The following KANK4 variants were observed in gnomAD, a reference collection of about 807,000 sequenced individuals.
The protein encoded by KANK4 is KN motif and ankyrin repeat domain-containing protein 4.
KANK4 carries 50 observed loss-of-function variants against 80.8 expected under a neutral mutation model. The observed-to-expected ratio is 0.62, with a 90% CI of 0.49 to 0.78. KANK4 has a LOEUF of 0.78. Among genes scored for constraint, KANK4 ranks in the 30% least tolerant of loss-of-function variants. KANK4 has a pLI of 0.00. For synonymous variants in KANK4, 465 were observed against 506.9 expected (o/e 0.92, Z 1.11); for missense variants, 1,196 against 1,240.1 (o/e 0.96, Z 0.53).
chr1:62,310,871 C>G (rs955376211), intron 1 of KANK4, among the ~76,000 whole-genome samples: 1 of 152,088 alleles, frequency 6.6e-6, no homozygotes, highest in Non-Finnish European at 1.5e-5. Context: ...GCACCATTAT[C>G]TCCATTTCAC....
intron 1 of KANK4, among the ~76,000 whole-genome samples, chr1:62,314,339 C>T (rs1407225701): frequency 6.6e-6 from 1 of 152,124 alleles, no homozygotes; most frequent in Non-Finnish European, 1.5e-5. Flanking sequence ...AACCTTTCCC[C>T]AGGAGTAGGA....
At chr1:62,296,241 G>A (rs1017235392) in intron 1 of KANK4, among the ~76,000 whole-genome samples, 1 of 152,144 alleles carries the variant, frequency 6.6e-6, no homozygotes, top group Admixed American at 6.5e-5. Context: ...CCAGCAGAGT[G>A]ACTGCCCCAG....
chr1:62,267,857 C>G (rs1672061792), intron 5 of KANK4, among the ~76,000 whole-genome samples: 1 of 151,316 alleles, frequency 6.6e-6, no homozygotes, highest in African/African-American at 2.4e-5. Flanking sequence ...ACAGGACAGG[C>G]AGAAAAGCTT....
intron 7 of KANK4, among the ~76,000 whole-genome samples, chr1:62,261,148 A>G (rs1671874791): frequency 7.4e-6 from 1 of 134,728 alleles, no homozygotes; most frequent in Non-Finnish European, 1.6e-5. Context: ...TACCCTCCCA[A>G]TGGCTTTTTT....
At position 62,274,753 on chromosome 1, in the gene KANK4, C is replaced by T. The variant is rs553627961; in HGVS notation, c.351G>A (p.Gln117=). 1.2e-6 allele frequency: 2 copies of T among 1,614,116 alleles called. No individual in the cohort carries two copies. Among genetic ancestry groups the T allele is most frequent in the East Asian group, 2.2e-5 (1 of 44,864 alleles). The part of the protein sequence containing the change: ...NQSPPLGNAP[Q]ASTSRSEVSY... ...TCACCTCACTCCTGCTTGTTGAGGC[C>T]TGGGGGGCATTACCAAGCGGTGGTG... The change falls in exon 3 of 10, where the codon CAG becomes CAA. Residue 117 remains glutamine (Q), a synonymous_variant. Transcript: ENST00000371153.
chr1:62,301,043 G>A (rs1201379832), intron 1 of KANK4, among the ~76,000 whole-genome samples: 2 of 151,972 alleles, frequency 1.3e-5, no homozygotes, highest in Admixed American at 1.3e-4. Context: ...CATGAGTGTT[G>A]GCTTTGTCTT....
Position 62,238,171 on chromosome 1 carries a change from T to C in KANK4, c.*106A>G. 1 of 686,836 alleles carries C rather than the reference T, an allele frequency of 1.5e-6. No individual in the cohort carries two copies. Among genetic ancestry groups the C allele is most frequent in the Non-Finnish European group, 2.5e-6 (1 of 394,922 alleles). 42.5% of individuals were successfully genotyped at this position (686,836 alleles called of 1,614,324 possible). A position where few individuals can be genotyped will look rare whatever the true frequency, so the allele number is the denominator to read the frequency against. On this transcript the variant is annotated 3_prime_UTR_variant, in exon 10 of 10. Transcript: ENST00000371153. ...TGTGCATATTTGACATAGTTTCTTCTCTAGAAGGGTGGCTCTCTGGCCTGT... is the reference window on the plus strand; with the variant it reads ...TGTGCATATTTGACATAGTTTCTTCCCTAGAAGGGTGGCTCTCTGGCCTGT...
intron 5 of KANK4, among the ~76,000 whole-genome samples, chr1:62,267,594 G>A (rs1672053569): frequency 6.6e-6 from 1 of 152,146 alleles, no homozygotes; most frequent in South Asian, 2.1e-4. Context: ...AAGGTCAGGT[G>A]TTCAAGATCA....
At chr1:62,248,450 C>T (rs1671524157) in intron 8 of KANK4, among the ~76,000 whole-genome samples, 1 of 152,036 alleles carries the variant, frequency 6.6e-6, no homozygotes, top group Non-Finnish European at 1.5e-5. Flanking sequence ...CTCACTGCAG[C>T]ATCAGTCTTC....
At chr1:62,263,507 C>T (rs1450639392) in intron 6 of KANK4, 196 bp from the exon 7 acceptor site, 1 of 576,980 alleles carries the variant, frequency 1.7e-6, no homozygotes, top group East Asian at 3.1e-5. Context: ...TCAGCCCCCT[C>T]TGGGAGTGGA....
intron 2 of KANK4, among the ~76,000 whole-genome samples, chr1:62,279,198 G>GCGCA (rs1282615199): frequency 4.9e-4 from 72 of 146,280 alleles, no homozygotes; most frequent in East Asian, 2.1e-3. Context: ...GCTAGCGCGC[G>GCGCA]CACACACACA....
At chr1:62,285,610 T>C (rs1672546233) in intron 1 of KANK4, among the ~76,000 whole-genome samples, 4 of 152,148 alleles carry the variant, frequency 2.6e-5, no homozygotes, top group Admixed American at 2.6e-4. Flanking sequence ...CCAAAATAAA[T>C]AGCACCTTGG....
Position 62,238,390 on chromosome 1 carries a change from G to T in KANK4, c.2884-9C>A, listed in dbSNP as rs1329826154. On this transcript the variant is annotated splice_polypyrimidine_tract_variant and intron_variant, in intron 9 of 9. Transcript: ENST00000371153. ...AAAGCTGTGCGGCCAGCCTACAGGA[G>T]AAAAAGGAAAGAAGAAATAAATATC... 6.2e-7 allele frequency: 1 copy of T among 1,611,578 alleles called. No homozygotes were observed. Among genetic ancestry groups the T allele is most frequent in the African/African-American group, 1.3e-5 (1 of 74,968 alleles).
intron 1 of KANK4, among the ~76,000 whole-genome samples, chr1:62,312,699 A>T (rs982998908): frequency 1.3e-5 from 2 of 152,242 alleles, no homozygotes; most frequent in East Asian, 3.8e-4. Flanking sequence ...CTGCCAAGAC[A>T]GAGACTGGAG....
intron 8 of KANK4, among the ~76,000 whole-genome samples, chr1:62,249,035 A>G (rs2149120184): frequency 6.7e-6 from 1 of 148,990 alleles, no homozygotes; most frequent in African/African-American, 2.4e-5. Flanking sequence ...TTAGCTAGGT[A>G]TGGTGGCGGG....
Position 62,274,564 on chromosome 1 carries a change from C to T in KANK4, c.540G>A (p.Leu180=), listed in dbSNP as rs771606061. 2 of 1,614,036 alleles carry T rather than the reference C, an allele frequency of 1.2e-6. No homozygotes were observed. The highest frequency in any genetic ancestry group is 1.7e-6 in the Non-Finnish European group (2 of 1,179,914). The change falls in exon 3 of 10, where the codon CTG becomes CTA. Residue 180 remains leucine, a synonymous_variant. Transcript: ENST00000371153. The stretch of plus-strand genomic sequence containing the variant: ...CAGGAGGGGCAGGGGGCCCCAGGCT[C>T]AGGCCTGGCTCCTCAGAAGCCCTGC... ...LHSRASEEPG[L]SLGPPAPPAL...
Position 62,273,231 on chromosome 1 carries a change from G to C in KANK4, c.1873C>G (p.Pro625Ala). 6 of 1,518,190 alleles carry C rather than the reference G, an allele frequency of 4.0e-6. No individual in the cohort carries two copies. The highest frequency in any genetic ancestry group is 5.3e-6 in the Non-Finnish European group (6 of 1,133,196). 94.0% of individuals were successfully genotyped at this position (1,518,190 alleles called of 1,614,324 possible). Residue 625 changes from proline (P) to alanine (A), a missense_variant, in exon 3 of 10, where the codon CCG becomes GCG. This residue lies in a region of KANK4 where 1,154 missense variants were observed against 1,179.6 expected (regional missense o/e 0.98). Transcript: ENST00000371153. ...SAQAHPPKEP[P>A]ASSSSPPVEI... The stretch of plus-strand genomic sequence containing the variant: ...ACTGGCGGGGAGGAGGAGGAGGCCG[G>C]TGGCTCCTTGGGTGGGTGAGCCTGG...
rs764065154 is a variant in KANK4, at chr1:62,247,641, C to T, written c.2714G>A (p.Ser905Asn). The T allele has an allele frequency of 6.2e-7, 1 of 1,613,982 alleles. No individual in the cohort carries two copies. Among genetic ancestry groups the T allele is most frequent in the East Asian group, 2.2e-5 (1 of 44,844 alleles). ...TTGAACCATGTCCTCCCTGTCGTGG[C>T]TGACTCCCAGCATCAGCGCAGTCTG... ...GGQTALMLGVSHDREDMVQAL... is the reference protein window; with the variant it reads ...GGQTALMLGVNHDREDMVQAL... The change falls in exon 9 of 10, where the codon AGC becomes AAC. Residue 905 changes from serine (S) to asparagine (N), a missense_variant. Ser to Asn is a conservative substitution (Grantham distance 46). Around this residue, in one of 3 missense-constraint regions of KANK4, gnomAD observed 1,154 missense variants for 1,179.6 expected, o/e 0.98. Coordinates refer to ENST00000371153, the MANE Select transcript of KANK4 (RefSeq NM_181712.5).
intron 2 of KANK4, among the ~76,000 whole-genome samples, chr1:62,279,021 C>T (rs1672387134): frequency 6.6e-6 from 1 of 152,090 alleles, no homozygotes; most frequent in Non-Finnish European, 1.5e-5. Flanking sequence ...ACCGATTTGC[C>T]CAACGGCCTC....
Sources: gnomAD v4.1 joint callset for allele counts (sites outside exome capture counted in the v4.1 genomes callset) on GRCh38, gnomAD v4.1.1 for gene constraint, gnomAD v4.1.1 regional missense constraint, MANE v1.5 for transcripts, NCBI Gene and HGNC (gene_info 2026-07-23, HGNC 2026-07-21) for gene names.